Variants in ADAMTSL3 observed in about 807,000 individuals in gnomAD.
ADAMTSL3 encodes the protein ADAMTS like 3, also known as ADAMTS-like protein 3.
Under a neutral mutation model 201.7 loss-of-function variants are expected in ADAMTSL3, and 128 were observed. The observed-to-expected ratio is 0.63, with a 90% CI of 0.55 to 0.73. The LOEUF (loss-of-function observed/expected upper bound fraction) is 0.73, where lower values mean the gene tolerates loss of function less well. Among genes scored for constraint, ADAMTSL3 ranks in the 30% least tolerant of loss-of-function variants. The pLI, the probability that ADAMTSL3 is intolerant of heterozygous loss-of-function variation, is 0.00. For synonymous variants in ADAMTSL3, 738 were observed against 748.4 expected, an observed-to-expected ratio of 0.99 and a Z score of 0.23; for missense variants, 1,990 against 2,119.6, an observed-to-expected ratio of 0.94 and a Z score of 1.20.
intron 17 of ADAMTSL3, among the ~76,000 whole-genome samples, chr15:83,925,803 C>G (rs149712180): frequency 1.3e-5 from 2 of 152,202 alleles, no homozygotes; most frequent in East Asian, 3.9e-4. Flanking sequence ...GAATTAGATA[C>G]TTTTGGAAAA....
chr15:83,889,984 A>T, intron 10 of ADAMTSL3, 125 bp from the exon 11 acceptor site: 1 of 1,009,722 alleles, frequency 9.9e-7, no homozygotes, highest in Non-Finnish European at 1.5e-6. Context: ...TTATAGAGCC[A>T]GGGTTGAGAA....
intron 3 of ADAMTSL3, among the ~76,000 whole-genome samples, chr15:83,767,465 A>G (rs527272840): frequency 6.6e-6 from 1 of 152,336 alleles, no homozygotes; most frequent in South Asian, 2.1e-4. Context: ...GACAACCTAA[A>G]GAGATGTTTG....
At chr15:83,914,141 C>A (rs560604118) in intron 16 of ADAMTSL3, among the ~76,000 whole-genome samples, 40 of 152,348 alleles carry the variant, frequency 2.6e-4, no homozygotes, top group African/African-American at 8.7e-4. Flanking sequence ...CCTTTGACCC[C>A]TGACTGTGCC....
chr15:84,023,436 T>C (rs1479609725), intron 26 of ADAMTSL3, among the ~76,000 whole-genome samples: 2 of 151,956 alleles, frequency 1.3e-5, no homozygotes, highest in African/African-American at 4.8e-5. Context: ...GGAGGCAGGG[T>C]CACAGTGTAA....
chr15:83,823,972 T>TCTTCTTCTTCTCCTC (rs1567170062), intron 6 of ADAMTSL3, among the ~76,000 whole-genome samples: 1 of 71,106 alleles, frequency 1.4e-5, no homozygotes, highest in African/African-American at 4.2e-5. Flanking sequence ...TTCTTCTTCT[T>TCTTCTTCTTCTCCTC]CTCCTCCTCC....
rs1324698640 is a variant in ADAMTSL3, at chr15:83,692,427, T to C, written c.70-11962T>C. Among the ~76,000 whole-genome samples, 6 of 151,998 alleles carry C rather than the reference T, an allele frequency of 3.9e-5. No homozygotes were observed. In the East Asian group the frequency reaches 1.2e-3, roughly 29 times the overall value. ...GAGGCTGGGCACGGTGGCTCACACC[T>C]ATAATCCCAGCACTTTGGGAGGCCG... On this transcript the variant is annotated intron_variant, in intron 2 of 29. Coordinates refer to ENST00000286744, the MANE Select transcript of ADAMTSL3 (RefSeq NM_207517.3).
At chr15:83,822,871 C>A (rs1389494289) in intron 6 of ADAMTSL3, among the ~76,000 whole-genome samples, 1 of 149,500 alleles carries the variant, frequency 6.7e-6, no homozygotes, top group East Asian at 2.0e-4. Context: ...TGTAGCGAGC[C>A]GAGATCACGC....
At chr15:83,834,255 C>T (rs556806528) in intron 6 of ADAMTSL3, among the ~76,000 whole-genome samples, 16 of 152,320 alleles carry the variant, frequency 1.1e-4, no homozygotes, top group African/African-American at 3.6e-4. Flanking sequence ...ATAGAAGTGA[C>T]ACAGATCAAT....
chr15:83,809,021 C>T (rs1356813113), intron 5 of ADAMTSL3, among the ~76,000 whole-genome samples: 1 of 151,614 alleles, frequency 6.6e-6, no homozygotes, highest in Non-Finnish European at 1.5e-5. Context: ...AGAGGTTAGT[C>T]AAGAAAGTTA....
At chr15:83,732,068 G>T (rs191297828) in intron 3 of ADAMTSL3, among the ~76,000 whole-genome samples, 5 of 152,142 alleles carry the variant, frequency 3.3e-5, no homozygotes, top group Non-Finnish European at 7.4e-5. Context: ...ACCATGTGAG[G>T]AGATGGATAT....
At chr15:83,833,731 C>G (rs538710866) in intron 6 of ADAMTSL3, among the ~76,000 whole-genome samples, 7 of 152,104 alleles carry the variant, frequency 4.6e-5, no homozygotes, top group Non-Finnish European at 7.3e-5. Flanking sequence ...GCTTAGATGG[C>G]TTAGTACGGG....
chr15:83,892,678 T>C lies in ADAMTSL3; in HGVS notation c.1263-6T>C. On this transcript the variant is annotated splice_polypyrimidine_tract_variant and splice_region_variant and intron_variant, in intron 12 of 29. Transcript: ENST00000286744. ...AATAATATAATTTTATTTGTTTGCT[T>C]TTGAGCTGGGAACATAATCCTTGGA... The C allele has an allele frequency of 6.2e-7, 1 of 1,611,114 alleles. No individual in the cohort carries two copies. The highest frequency in any genetic ancestry group is 8.5e-7 in the Non-Finnish European group (1 of 1,178,570).
intron 8 of ADAMTSL3, among the ~76,000 whole-genome samples, chr15:83,868,079 G>A (rs1276545369): frequency 6.6e-6 from 1 of 152,048 alleles, no homozygotes; most frequent in Non-Finnish European, 1.5e-5. Flanking sequence ...AAGAAGTTGG[G>A]CCGTGGGCAG....
At chr15:83,882,410 A>C (rs1487756131) in intron 9 of ADAMTSL3, among the ~76,000 whole-genome samples, 1 of 152,224 alleles carries the variant, frequency 6.6e-6, no homozygotes, top group East Asian at 1.9e-4. Context: ...AATTAAGCAC[A>C]TAAAACCACT....
intron 26 of ADAMTSL3, among the ~76,000 whole-genome samples, chr15:84,022,139 A>C (rs1368443780): frequency 6.6e-6 from 1 of 152,088 alleles, no homozygotes; most frequent in Non-Finnish European, 1.5e-5. Flanking sequence ...AGTATTTCAG[A>C]TCTTGATGAC....
intron 3 of ADAMTSL3, among the ~76,000 whole-genome samples, chr15:83,755,190 A>T (rs1480992310): frequency 6.6e-6 from 1 of 151,134 alleles, no homozygotes; most frequent in Non-Finnish European, 1.5e-5. Context: ...GAGTTTTTCC[A>T]TTTTTTTTTA....
chr15:83,762,116 TCTC>T (rs1420073097), intron 3 of ADAMTSL3, among the ~76,000 whole-genome samples: 6 of 151,906 alleles, frequency 3.9e-5, no homozygotes, highest in Non-Finnish European at 8.8e-5. Context: ...GGTGGCGTGA[TCTC>T]AGCTCACTGC....
At chr15:83,852,076 A>G (rs1472451308) in intron 7 of ADAMTSL3, among the ~76,000 whole-genome samples, 1 of 151,976 alleles carries the variant, frequency 6.6e-6, no homozygotes, top group African/African-American at 2.4e-5. Context: ...CTTTTTATTC[A>G]CTGAGGTTTT....
chr15:83,892,781 A>T lies in ADAMTSL3; in HGVS notation c.1360A>T (p.Ile454Leu), dbSNP rs1263729044. Residue 454 changes from isoleucine to leucine, a missense_variant, in exon 13 of 30, where the codon ATA (isoleucine) becomes TTA (leucine). By Grantham distance (5) the Ile-to-Leu change is conservative. Coordinates refer to ENST00000286744, the MANE Select transcript of ADAMTSL3 (RefSeq NM_207517.3). Reference sequence around the variant, plus strand: ...TGTAGAGGAATCCATGCATGGAGAGATATTGCAGGTGGAAGAATGGAAGTG... The same window carrying T: ...TGTAGAGGAATCCATGCATGGAGAGTTATTGCAGGTGGAAGAATGGAAGTG... ...VCVEESMHGEILQVEEWKCMY... is the reference protein window; with the variant it reads ...VCVEESMHGELLQVEEWKCMY... The T allele has an allele frequency of 6.2e-7, 1 of 1,614,018 alleles. No individual in the cohort carries two copies. Among genetic ancestry groups the T allele is most frequent in the African/African-American group, 1.3e-5 (1 of 74,914 alleles).
Sources: gnomAD v4.1 joint callset for allele counts (sites outside exome capture counted in the v4.1 genomes callset) on GRCh38, gnomAD v4.1.1 for gene constraint, MANE v1.5 for transcripts, NCBI Gene and HGNC (gene_info 2026-07-23, HGNC 2026-07-21) for gene names.